GPC6: variants seen among roughly 807,000 people sequenced by gnomAD.
GPC6 encodes the protein glypican 6.
GPC6 carries 14 observed loss-of-function variants against 55.2 expected under a neutral mutation model. The ratio of observed to expected loss-of-function variants is 0.25; its 90% CI spans 0.17 to 0.40. The LOEUF (loss-of-function observed/expected upper bound fraction) is 0.40, where lower values mean the gene tolerates loss of function less well. Among genes scored for constraint, GPC6 ranks in the 10% least tolerant of loss-of-function variants. The pLI is 1.00. For missense variants in GPC6, 641 were observed against 708.5 expected, an observed-to-expected ratio of 0.90 and a Z score of 1.08; for synonymous variants, 278 against 259.6, an observed-to-expected ratio of 1.07 and a Z score of -0.68.
intron 4 of GPC6, among the ~76,000 whole-genome samples, chr13:94,236,051 A>G (rs1274814572): frequency 6.6e-6 from 1 of 152,096 alleles, no homozygotes; most frequent in Non-Finnish European, 1.5e-5. Flanking sequence ...TTCTTATTAA[A>G]CTATTAGTTT....
At chr13:93,716,883 A>G (rs566021232) in intron 2 of GPC6, among the ~76,000 whole-genome samples, 1 of 151,792 alleles carries the variant, frequency 6.6e-6, no homozygotes, top group South Asian at 2.1e-4. Flanking sequence ...TATCTTTTAT[A>G]CCATATATTT....
At chr13:93,775,418 T>G (rs1226216545) in intron 2 of GPC6, among the ~76,000 whole-genome samples, 2 of 152,224 alleles carry the variant, frequency 1.3e-5, no homozygotes, top group East Asian at 3.9e-4. Flanking sequence ...ATCTGAGATT[T>G]GAGCCCAGGC....
chr13:93,650,139 A>G lies in GPC6; in HGVS notation c.319+104718A>G, dbSNP rs550600482. 1.6e-3 allele frequency among the ~76,000 whole-genome samples: 241 copies of G among 151,544 alleles called. 3 individuals carry two copies. The highest frequency in any genetic ancestry group is 5.5e-3 in the African/African-American group (229 of 41,312). On this transcript the variant is annotated intron_variant, in intron 2 of 8. Coordinates refer to ENST00000377047, the MANE Select transcript of GPC6 (RefSeq NM_005708.5). ...TGCTGCTACAATTCAAATAATCTACATTTTTTTTTCTTTTAGGGCAAGATC... is the reference window on the plus strand; with the variant it reads ...TGCTGCTACAATTCAAATAATCTACGTTTTTTTTTCTTTTAGGGCAAGATC...
At chr13:94,398,686 T>TG (rs774835590) in intron 8 of GPC6, 45 bp downstream of exon 8, 5 of 1,561,956 alleles carry the variant, frequency 3.2e-6, no homozygotes, top group Non-Finnish European at 4.4e-6. Context: ...AAGTAAAAAA[T>TG]GGTTTTAGAA....
At position 93,694,381 on chromosome 13, in the gene GPC6, T is replaced by C. The variant is rs138908108; in HGVS notation, c.320-135773T>C. The stretch of plus-strand genomic sequence containing the variant: ...GGATTTCCTTATAGTTCATTGCCTA[T>C]TTCAAAATATATTTTCCCGTATAGC... On this transcript the variant is annotated intron_variant, in intron 2 of 8. Transcript: ENST00000377047. Among the ~76,000 whole-genome samples, 494 of 152,326 alleles carry C rather than the reference T, an allele frequency of 3.2e-3. 3 individuals are homozygous for C. The highest frequency in any genetic ancestry group is 0.011 in the African/African-American group (451 of 41,594).
chr13:94,044,562 A>T (rs1883657142), intron 4 of GPC6, among the ~76,000 whole-genome samples: 1 of 151,934 alleles, frequency 6.6e-6, no homozygotes, highest in Admixed American at 6.6e-5. Context: ...ATATTTTGCT[A>T]TAACAAATAT....
chr13:93,666,749 G>A (rs1376821160), intron 2 of GPC6, among the ~76,000 whole-genome samples: 1 of 152,048 alleles, frequency 6.6e-6, no homozygotes, highest in East Asian at 1.9e-4. Flanking sequence ...AGTTAGATCA[G>A]CATTGTGTTA....
intron 2 of GPC6, among the ~76,000 whole-genome samples, chr13:93,667,635 G>A (rs1249709396): frequency 1.3e-5 from 2 of 151,588 alleles, no homozygotes; most frequent in Non-Finnish European, 2.9e-5. Context: ...ATTTCGCCAC[G>A]TTAGCCAGGC....
chr13:93,368,349 C>CTTCCTTCCTTCCTTCCTTCT (rs1566320653), intron 1 of GPC6, among the ~76,000 whole-genome samples: 1 of 69,478 alleles, frequency 1.4e-5, no homozygotes, highest in African/African-American at 4.1e-5. Flanking sequence ...TCCTTCCTTC[C>CTTCCTTCCTTCCTTCCTTCT]TTCCTTCCTT....
chr13:93,394,348 C>T (rs1033004201), intron 1 of GPC6, among the ~76,000 whole-genome samples: 15 of 152,082 alleles, frequency 9.9e-5, no homozygotes, highest in Admixed American at 3.9e-4. Context: ...GGCTTAGAAC[C>T]CCACACATAT....
intron 1 of GPC6, among the ~76,000 whole-genome samples, chr13:93,301,375 C>A (rs1223858107): frequency 6.6e-6 from 1 of 152,022 alleles, no homozygotes; most frequent in Admixed American, 6.6e-5. Flanking sequence ...TATTTAGGAC[C>A]AATATATGTG....
At chr13:94,020,357 T>C (rs983935079) in intron 3 of GPC6, among the ~76,000 whole-genome samples, 3 of 152,222 alleles carry the variant, frequency 2.0e-5, no homozygotes, top group Admixed American at 2.0e-4. Flanking sequence ...CTTTGTACGA[T>C]TGCAATCTTT....
chr13:93,458,171 G>T (rs1440861161), intron 1 of GPC6, among the ~76,000 whole-genome samples: 3 of 152,126 alleles, frequency 2.0e-5, no homozygotes, highest in African/African-American at 7.2e-5. Flanking sequence ...GAATCTTAAA[G>T]GTAACACAAT....
intron 1 of GPC6, among the ~76,000 whole-genome samples, chr13:93,363,171 A>G (rs1048944247): frequency 2.1e-5 from 3 of 142,690 alleles, no homozygotes; most frequent in Non-Finnish European, 4.5e-5. Context: ...TTTAGGGTAC[A>G]TGCGTACAAT....
At chr13:93,507,786 A>T (rs1449100551) in intron 1 of GPC6, among the ~76,000 whole-genome samples, 1 of 152,114 alleles carries the variant, frequency 6.6e-6, no homozygotes, top group Admixed American at 6.5e-5. Flanking sequence ...TATTGACAGG[A>T]GGGAATGAGG....
At chr13:94,107,112 C>T (rs1453256831) in intron 4 of GPC6, among the ~76,000 whole-genome samples, 1 of 151,976 alleles carries the variant, frequency 6.6e-6, no homozygotes, top group East Asian at 1.9e-4. Context: ...GTTTTGGGGC[C>T]GGGTCATGAG....
At chr13:94,215,169 G>GT (rs1280796933) in intron 4 of GPC6, among the ~76,000 whole-genome samples, 1 of 152,180 alleles carries the variant, frequency 6.6e-6, no homozygotes, top group African/African-American at 2.4e-5. Context: ...ATTATGCAAA[G>GT]TAAGCAGATT....
intron 2 of GPC6, among the ~76,000 whole-genome samples, chr13:93,811,568 A>G (rs1566547335): frequency 6.6e-6 from 1 of 150,462 alleles, no homozygotes; most frequent in Non-Finnish European, 1.5e-5. Flanking sequence ...GACATTCCCC[A>G]CAAGCTTGAC....
At chr13:94,040,420 C>G (rs569641427) in intron 4 of GPC6, among the ~76,000 whole-genome samples, 7 of 151,764 alleles carry the variant, frequency 4.6e-5, no homozygotes, top group Non-Finnish European at 8.8e-5. Context: ...TTCGAGATAC[C>G]AGTGACGTTT....
Sources: gnomAD v4.1 joint callset for allele counts (sites outside exome capture counted in the v4.1 genomes callset) on GRCh38, gnomAD v4.1.1 for gene constraint, MANE v1.5 for transcripts, NCBI Gene and HGNC (gene_info 2026-07-23, HGNC 2026-07-21) for gene names.